Variants in RIPOR3 observed in about 807,000 individuals in gnomAD.
RIPOR3 encodes family with sequence similarity 65 member C.
A neutral mutation model predicts 114.3 loss-of-function variants in RIPOR3; 95 were observed. The observed-to-expected ratio is 0.83, with a 90% CI of 0.70 to 0.99. The LOEUF is 0.99. Among genes scored for constraint, RIPOR3 ranks in the 50% least tolerant of loss-of-function variants. The pLI, the probability that RIPOR3 is intolerant of heterozygous loss-of-function variation, is 0.00. For synonymous variants in RIPOR3, 575 were observed against 543.8 expected, an observed-to-expected ratio of 1.06 and a Z score of -0.80; for missense variants, 1,252 against 1,266.9, an observed-to-expected ratio of 0.99 and a Z score of 0.18.
At chr20:50,601,990 C>G in intron 13 of RIPOR3, 82 bp downstream of exon 13, 1 of 1,339,536 alleles carries the variant, frequency 7.5e-7, no homozygotes, top group Non-Finnish European at 9.9e-7. Context: ...TCGGCCCAGG[C>G]TGCGTGGCCC....
intron 2 of RIPOR3, among the ~76,000 whole-genome samples, chr20:50,623,275 A>AG (rs1555852001): frequency 0.018 from 2,683 of 150,988 alleles, 88 homozygotes; most frequent in African/African-American, 0.061. Flanking sequence ...AAAAAAAAAA[A>AG]AAAAGAAAAA....
At chr20:50,629,236 A>G (rs573790746) in intron 2 of RIPOR3, among the ~76,000 whole-genome samples, 26 of 152,228 alleles carry the variant, frequency 1.7e-4, no homozygotes, top group African/African-American at 6.0e-4. Flanking sequence ...GGGGAAGAGC[A>G]TGGTGGGATT....
chr20:50,599,861 A>AT (rs1260185911), intron 13 of RIPOR3, among the ~76,000 whole-genome samples: 1 of 152,012 alleles, frequency 6.6e-6, no homozygotes, highest in African/African-American at 2.4e-5. Flanking sequence ...ATGAGGATAA[A>AT]TCATGTATAT....
At chr20:50,655,669 C>CTGTG (rs11469999) in intron 1 of RIPOR3, among the ~76,000 whole-genome samples, 2,116 of 145,272 alleles carry the variant, frequency 0.015, 17 homozygotes, top group African/African-American at 0.021. Context: ...TTAGCGTGGG[C>CTGTG]TGTGTGTGTG....
chr20:50,644,676 C>CTTTTTTTTTTTTTTTTTTTTTTT (rs61225138), intron 1 of RIPOR3, among the ~76,000 whole-genome samples: 3 of 74,614 alleles, frequency 4.0e-5, no homozygotes, highest in Admixed American at 1.8e-4. Flanking sequence ...TTTTTGTTTG[C>CTTTTTTTTTTTTTTTTTTTTTTT]TTTTTTTTTT....
intron 5 of RIPOR3, 101 bp from the exon 6 acceptor site, chr20:50,611,007 G>GGGCTTTGTGCCGGGCC: frequency 6.5e-7 from 1 of 1,546,196 alleles, no homozygotes; most frequent in Non-Finnish European, 8.9e-7. Context: ...TCAGAGAATG[G>GGGCTTTGTGCCGGGCC]GGCCCCTCAC....
intron 1 of RIPOR3, chr20:50,654,100 G>T (rs1035767049): frequency 1.3e-5 from 2 of 151,904 alleles, no homozygotes; most frequent in African/African-American, 4.8e-5. Flanking sequence ...CCTTGTCCTT[G>T]TCTGGTGTTT....
chr20:50,620,899 G>A (rs1354855418), intron 2 of RIPOR3: 2 of 631,478 alleles, frequency 3.2e-6, no homozygotes, highest in Admixed American at 1.9e-5. Flanking sequence ...TCCGGGAGGT[G>A]TGTGGCTTTG....
rs71190589 is a variant in RIPOR3, at chr20:50,671,982, GTGGATGGA to G, written c.3+19136_3+19143del. Among the ~76,000 whole-genome samples, 682 of 137,196 alleles carry G rather than the reference GTGGATGGA, an allele frequency of 5.0e-3. 6 individuals carry two copies. Among genetic ancestry groups the G allele is most frequent in the African/African-American group, 0.016 (584 of 36,134 alleles). The allele number at this position is 137,196 out of a possible 152,430, so 90.0% of individuals were successfully genotyped here. A position where few individuals can be genotyped will look rare whatever the true frequency, so the allele number is the denominator to read the frequency against. On this transcript the variant is annotated intron_variant, in intron 1 of 21. Transcript: ENST00000327979. ...GTTAGGTGGATAGGTGGATGGGTGC[GTGGATGGA>G]TGGATGGATGGATGGATGGATGGAT...
intron 6 of RIPOR3, 122 bp from the exon 7 acceptor site, chr20:50,609,844 A>G (rs767944389): frequency 6.1e-5 from 70 of 1,155,696 alleles, no homozygotes; most frequent in Non-Finnish European, 7.3e-5. Context: ...AGCCCAGCCC[A>G]TGGTGACAGT....
At chr20:50,646,811 G>A (rs894744115) in intron 1 of RIPOR3, among the ~76,000 whole-genome samples, 4 of 152,170 alleles carry the variant, frequency 2.6e-5, no homozygotes, top group African/African-American at 9.7e-5. Flanking sequence ...TAAAGTTTGT[G>A]TACTACAAGC....
chr20:50,634,142 C>T (rs2084910036), intron 1 of RIPOR3, among the ~76,000 whole-genome samples: 1 of 152,006 alleles, frequency 6.6e-6, no homozygotes, highest in Non-Finnish European at 1.5e-5. Context: ...CCACCATTCC[C>T]AGCTAATTTT....
chr20:50,654,198 C>T (rs2085722065), intron 1 of RIPOR3, among the ~76,000 whole-genome samples: 1 of 151,812 alleles, frequency 6.6e-6, no homozygotes, highest in Non-Finnish European at 1.5e-5. Context: ...TGAAATTTCT[C>T]TCTTGTCTCC....
intron 1 of RIPOR3, among the ~76,000 whole-genome samples, chr20:50,647,308 G>A (rs1404314525): frequency 2.0e-5 from 3 of 151,974 alleles, no homozygotes; most frequent in African/African-American, 4.8e-5. Flanking sequence ...CGACAAGAGC[G>A]AAACTCCATC....
rs1369131074 is a variant in RIPOR3, at chr20:50,630,729, G to A, written c.122+9C>T. The A allele has an allele frequency of 6.3e-7, 1 of 1,598,312 alleles. No individual in the cohort carries two copies. Among genetic ancestry groups the A allele is most frequent in the Non-Finnish European group, 8.5e-7 (1 of 1,171,850 alleles). On this transcript the variant is annotated intron_variant, in intron 2 of 21. Coordinates refer to ENST00000327979, the MANE Select transcript of RIPOR3 (RefSeq NM_001290268.2). ...CTGCACCCCGAAACAGGACACGGGG[G>A]GAACTTACGCGATCCTCCGGCTCTG...
intron 1 of RIPOR3, among the ~76,000 whole-genome samples, chr20:50,643,460 G>T (rs569081927): frequency 2.0e-5 from 3 of 151,028 alleles, no homozygotes; most frequent in African/African-American, 7.3e-5. Context: ...TTGGGAGGCC[G>T]AGGTGGGAAG....
At position 50,608,550 on chromosome 20, in the gene RIPOR3, G is replaced by GA. The variant is rs778580783; in HGVS notation, c.811-17_811-16insT. The stretch of plus-strand genomic sequence containing the variant: ...ACTCCGTCACCTGGGGGTGGGGGCT[G>GA]GAGGGTGGTGTCTGAGCCGAACACC... On this transcript the variant is annotated splice_polypyrimidine_tract_variant and intron_variant, in intron 10 of 21. Coordinates refer to ENST00000327979, the MANE Select transcript of RIPOR3 (RefSeq NM_001290268.2). 1 of 1,613,734 alleles carries GA rather than the reference G, an allele frequency of 6.2e-7. No homozygotes were observed. The highest frequency in any genetic ancestry group is 1.7e-5 in the Admixed American group (1 of 60,018).
Position 50,608,945 on chromosome 20 carries a change from G to A in RIPOR3, c.651C>T (p.Gly217=), listed in dbSNP as rs1294949547. The change falls in exon 9 of 22, where the codon GGC becomes GGT. Residue 217 remains glycine, a synonymous_variant. Transcript: ENST00000327979. ...EFHIRMKGLV[G]YARLCPGDHY... ...GGTCTCCGGGACAGAGGCGTGCGTA[G>A]CCCACCAAGCCTGGAACACAGACAT... 3 of 1,582,186 alleles carry A rather than the reference G, an allele frequency of 1.9e-6. No individual in the cohort carries two copies. In the East Asian group the frequency reaches 6.9e-5, roughly 36 times the overall value.
intron 1 of RIPOR3, among the ~76,000 whole-genome samples, chr20:50,652,767 C>CT: frequency 6.6e-6 from 1 of 152,264 alleles, no homozygotes; most frequent in Non-Finnish European, 1.5e-5. Context: ...CGAGGGCGGT[C>CT]GTCATCCAAA....
Sources: gnomAD v4.1 joint callset for allele counts (sites outside exome capture counted in the v4.1 genomes callset) on GRCh38, gnomAD v4.1.1 for gene constraint, MANE v1.5 for transcripts, NCBI Gene and HGNC (gene_info 2026-07-23, HGNC 2026-07-21) for gene names.